CCDC171: variants seen among roughly 807,000 people sequenced by gnomAD.
CCDC171 encodes coiled-coil domain containing 171, also known as coiled-coil domain-containing protein 171.
In CCDC171, 177 loss-of-function variants were observed where a neutral mutation model predicts 168.2. The observed-to-expected ratio is 1.05, with a 90% CI of 0.93 to 1.19. CCDC171 has a LOEUF of 1.19. CCDC171 is among the 50% of genes most tolerant of loss of function. CCDC171 has a pLI of 0.00. For synonymous variants in CCDC171, 687 were observed against 540.8 expected (o/e 1.27, Z -3.75); for missense variants, 1,991 against 1,539.0 (o/e 1.29, Z -4.91).
At position 15,564,239 on chromosome 9, in the gene CCDC171, G is replaced by A. The variant is rs187217145; in HGVS notation, c.41+110G>A. The A allele has an allele frequency of 3.9e-3, 2,887 of 740,788 alleles. 13 individuals are homozygous for A. The highest frequency in any genetic ancestry group is 6.4e-3 in the Admixed American group (236 of 36,624). 45.9% of individuals were successfully genotyped at this position (740,788 alleles called of 1,614,324 possible). A position where few individuals can be genotyped will look rare whatever the true frequency, so the allele number is the denominator to read the frequency against. ...TAAGAATTCTCATGGGATGGTAAGG[G>A]GAGTAGAAATTCTGTGGGACTGAAG... On this transcript the variant is annotated intron_variant, in intron 2 of 25. Transcript: ENST00000380701.
At chr9:15,863,504 T>G (rs533796208) in intron 23 of CCDC171, among the ~76,000 whole-genome samples, 1 of 152,142 alleles carries the variant, frequency 6.6e-6, no homozygotes, top group African/African-American at 2.4e-5. Flanking sequence ...TGACACATTT[T>G]TTTTTTCTAA....
the CCDC171 span, among the ~76,000 whole-genome samples, chr9:16,082,917 C>T: frequency 6.6e-6 from 1 of 152,186 alleles, no homozygotes; most frequent in African/African-American, 2.4e-5. Context: ...TGGTCCACTC[C>T]AACCTTATAC....
chr9:15,632,419 C>A (rs1367038903), intron 7 of CCDC171, among the ~76,000 whole-genome samples: 1 of 151,836 alleles, frequency 6.6e-6, no homozygotes, highest in East Asian at 1.9e-4. Flanking sequence ...CTCCCATTCA[C>A]AATTGCTTCA....
chr9:16,095,828 ACC>A, the CCDC171 span, among the ~76,000 whole-genome samples: 1 of 148,024 alleles, frequency 6.8e-6, no homozygotes, highest in African/African-American at 2.5e-5. Context: ...ATACACACAC[ACC>A]CACATAGACA....
chr9:15,576,852 A>G (rs750911001), intron 3 of CCDC171, among the ~76,000 whole-genome samples: 19 of 152,166 alleles, frequency 1.2e-4, no homozygotes, highest in Non-Finnish European at 2.6e-4. Context: ...ATCTGAGTCA[A>G]TCTGTGGTGA....
At chr9:15,953,241 GTTTGCCTTGT>G (rs1387703960) in intron 25 of CCDC171, among the ~76,000 whole-genome samples, 2 of 152,094 alleles carry the variant, frequency 1.3e-5, no homozygotes, top group Non-Finnish European at 2.9e-5. Context: ...AAGGAGTCAG[GTTTGCCTTGT>G]TCCTGATCAT....
intron 6 of CCDC171, chr9:16,022,944 CT>C (rs376317226): frequency 6.6e-6 from 1 of 152,304 alleles, no homozygotes; most frequent in East Asian, 1.9e-4. Context: ...TACCAGTGCC[CT>C]GGTCAAACCC....
At chr9:15,587,078 G>C (rs1034710692) in intron 4 of CCDC171, among the ~76,000 whole-genome samples, 1 of 152,170 alleles carries the variant, frequency 6.6e-6, no homozygotes, top group African/African-American at 2.4e-5. Context: ...CTCCCAAAAT[G>C]CTGGGATTAC....
At chr9:15,664,743 G>C (rs1170766894) in intron 8 of CCDC171, among the ~76,000 whole-genome samples, 1 of 143,322 alleles carries the variant, frequency 7.0e-6, no homozygotes, top group African/African-American at 2.8e-5. Flanking sequence ...TTGTTGCTCA[G>C]GCTGGAGTGC....
chr9:16,040,462 CAG>C (rs1284756434), upstream of CCDC171, among the ~76,000 whole-genome samples: 1 of 152,192 alleles, frequency 6.6e-6, no homozygotes, highest in African/African-American at 2.4e-5. Context: ...CGGCCCACCG[CAG>C]AGAGAAAGGC....
intron 25 of CCDC171, among the ~76,000 whole-genome samples, chr9:15,954,193 A>T (rs190395037): frequency 3.5e-5 from 5 of 143,798 alleles, no homozygotes; most frequent in East Asian, 2.0e-4. Flanking sequence ...CTCTTCTCTA[A>T]TCTTTTTTCC....
At chr9:15,910,103 T>C (rs1259581105) in intron 24 of CCDC171, among the ~76,000 whole-genome samples, 1 of 152,134 alleles carries the variant, frequency 6.6e-6, no homozygotes, top group African/African-American at 2.4e-5. Context: ...CTTAATTATA[T>C]CCATGTGGCT....
rs1381513061 is a variant in CCDC171 at position 15,931,723 on chromosome 9, A to G, written c.3753+11301A>G. Among the ~76,000 whole-genome samples, 10 of 151,032 alleles carry G rather than the reference A, an allele frequency of 6.6e-5. No homozygotes were observed. In the East Asian group the frequency reaches 7.8e-4, roughly 12 times the overall value. On this transcript the variant is annotated intron_variant, in intron 25 of 25. Coordinates refer to ENST00000380701, the MANE Select transcript of CCDC171 (RefSeq NM_173550.4). ...CCCAATATCATGAAGCATTTCTCCT[A>G]TGTTTTCTTCTAGTGTTATCATAGC...
chr9:15,702,865 C>G (rs147551654), intron 11 of CCDC171, among the ~76,000 whole-genome samples: 1 of 151,728 alleles, frequency 6.6e-6, no homozygotes, highest in African/African-American at 2.4e-5. Flanking sequence ...CCTCACCTCT[C>G]TCAGCCTTCA....
chr9:15,640,995 T>C (rs777607790), intron 7 of CCDC171, among the ~76,000 whole-genome samples: 1 of 152,132 alleles, frequency 6.6e-6, no homozygotes, highest in African/African-American at 2.4e-5. Context: ...TAACAGCTAT[T>C]AAAATGTAAC....
intron 11 of CCDC171, among the ~76,000 whole-genome samples, chr9:15,709,698 G>C (rs1315903192): frequency 6.6e-6 from 1 of 152,058 alleles, no homozygotes; most frequent in Non-Finnish European, 1.5e-5. Flanking sequence ...GGAAAAATGT[G>C]TTACCTATAA....
At chr9:15,736,995 A>G (rs896664985) in intron 16 of CCDC171, among the ~76,000 whole-genome samples, 4 of 152,148 alleles carry the variant, frequency 2.6e-5, no homozygotes, top group African/African-American at 9.7e-5. Context: ...ATGTTTAAAC[A>G]TGATAATGTA....
intron 23 of CCDC171, among the ~76,000 whole-genome samples, chr9:15,857,197 A>G (rs1448549815): frequency 6.6e-6 from 1 of 151,720 alleles, no homozygotes; most frequent in Non-Finnish European, 1.5e-5. Flanking sequence ...TATTATTATT[A>G]TTATTTTTTG....
At chr9:15,998,769 A>G (rs1293625080) in intron 3 of CCDC171, among the ~76,000 whole-genome samples, 2 of 152,184 alleles carry the variant, frequency 1.3e-5, no homozygotes, top group Admixed American at 6.5e-5. Flanking sequence ...TGCATTCATT[A>G]AATGCAGAAA....
Sources: allele counts gnomAD v4.1 joint callset (sites outside exome capture counted in the v4.1 genomes callset), GRCh38; gene constraint gnomAD v4.1.1; transcripts MANE v1.5; gene names NCBI Gene and HGNC (gene_info 2026-07-23, HGNC 2026-07-21).